The following RBFOX3 variants were observed in gnomAD, a reference collection of about 807,000 sequenced individuals.
RBFOX3 encodes RNA binding protein fox-1 homolog 3.
In RBFOX3, 17 loss-of-function variants were observed where a neutral mutation model predicts 48.7. The ratio of observed to expected loss-of-function variants is 0.35; its 90% confidence interval spans 0.24 to 0.52. The LOEUF is 0.52. Among genes scored for constraint, RBFOX3 ranks in the 20% least tolerant of loss-of-function variants. RBFOX3 has a pLI of 0.94. For synonymous variants in RBFOX3, 212 were observed against 209.5 expected (o/e 1.01, Z -0.10); for missense variants, 382 against 497.5 (o/e 0.77, Z 2.21).
At chr17:79,289,867 G>A (rs2072884438) in intron 3 of RBFOX3, among the ~76,000 whole-genome samples, 1 of 152,228 alleles carries the variant, frequency 6.6e-6, no homozygotes, top group African/African-American at 2.4e-5. Context: ...AACATTGATT[G>A]CTAAAAATAA....
chr17:79,095,627 G>A (rs1599386624), intron 12 of RBFOX3, 53 bp from the exon 13 acceptor site: 7 of 1,486,662 alleles, frequency 4.7e-6, no homozygotes, highest in East Asian at 2.5e-5. Context: ...GGGCTCCCCA[G>A]GGAAAGGCTG....
At chr17:79,639,064 T>C in the RBFOX3 span, among the ~76,000 whole-genome samples, 1 of 152,124 alleles carries the variant, frequency 6.6e-6, no homozygotes, top group Admixed American at 6.5e-5. Context: ...GGCTTCACAG[T>C]TGAATTATAT....
intron 4 of RBFOX3, among the ~76,000 whole-genome samples, chr17:79,206,896 A>C (rs905338961): frequency 1.3e-5 from 2 of 152,196 alleles, no homozygotes; most frequent in African/African-American, 4.8e-5. Flanking sequence ...ACTCAATAGT[A>C]CACCTGGAAT....
chr17:79,615,496 C>T (rs1366960919), upstream of RBFOX3, among the ~76,000 whole-genome samples: 1 of 152,070 alleles, frequency 6.6e-6, no homozygotes, highest in Non-Finnish European at 1.5e-5. Context: ...AGGGTGGTGG[C>T]ATGTCCAGCT....
intron 1 of RBFOX3, among the ~76,000 whole-genome samples, chr17:79,550,712 G>T (rs1219544842): frequency 6.6e-6 from 1 of 152,086 alleles, no homozygotes; most frequent in Non-Finnish European, 1.5e-5. Flanking sequence ...TGAGTGGATG[G>T]AAGGATGGAT....
At chr17:79,403,696 G>A (rs577143128) in intron 2 of RBFOX3, among the ~76,000 whole-genome samples, 103 of 151,904 alleles carry the variant, frequency 6.8e-4, no homozygotes, top group African/African-American at 1.1e-3. Context: ...CCCCTCACCC[G>A]CCCTCCAGGC....
chr17:79,662,850 G>A, the RBFOX3 span, among the ~76,000 whole-genome samples: 1 of 152,172 alleles, frequency 6.6e-6, no homozygotes, highest in African/African-American at 2.4e-5. Flanking sequence ...CCAGGTAACA[G>A]GCCTGAAGCT....
At chr17:79,497,142 C>A (rs2081652703) in intron 1 of RBFOX3, among the ~76,000 whole-genome samples, 3 of 152,144 alleles carry the variant, frequency 2.0e-5, no homozygotes, top group African/African-American at 7.2e-5. Context: ...AGGTGCACTG[C>A]CACTCCTCCC....
At chr17:79,323,348 G>C (rs1291220467) in intron 2 of RBFOX3, among the ~76,000 whole-genome samples, 3 of 152,220 alleles carry the variant, frequency 2.0e-5, no homozygotes, top group African/African-American at 7.2e-5. Flanking sequence ...TTTGTGCTGA[G>C]CCATTGCTGT....
At chr17:79,104,026 G>C (rs1386315809) in intron 7 of RBFOX3, 47 bp downstream of exon 7, 1 of 1,490,742 alleles carries the variant, frequency 6.7e-7, no homozygotes, top group Admixed American at 2.0e-5. Context: ...TAGCCTGGCG[G>C]GACCTACAGC....
intron 6 of RBFOX3, among the ~76,000 whole-genome samples, chr17:79,106,331 C>T (rs1056613643): frequency 6.6e-6 from 1 of 152,138 alleles, no homozygotes; most frequent in Non-Finnish European, 1.5e-5. Context: ...CTAGGAAACC[C>T]CTGAGCTCAG....
intron 1 of RBFOX3, among the ~76,000 whole-genome samples, chr17:79,497,712 A>C (rs908498881): frequency 4.6e-5 from 7 of 152,128 alleles, no homozygotes; most frequent in African/African-American, 1.7e-4. Context: ...TTACATACAC[A>C]AGGCTGGTGG....
chr17:79,260,842 G>A (rs1416826807), intron 3 of RBFOX3, among the ~76,000 whole-genome samples: 3 of 152,128 alleles, frequency 2.0e-5, no homozygotes, highest in Non-Finnish European at 4.4e-5. Flanking sequence ...CCAGCTCTGA[G>A]GCCCACCAGC....
chr17:79,608,040 G>A (rs1161255167), intron 1 of RBFOX3, among the ~76,000 whole-genome samples: 5 of 152,186 alleles, frequency 3.3e-5, no homozygotes, highest in East Asian at 3.9e-4. Flanking sequence ...CATGTCCTCA[G>A]CAGCCTGAGG....
At chr17:79,500,303 G>T (rs1880307008) in intron 1 of RBFOX3, among the ~76,000 whole-genome samples, 1 of 147,960 alleles carries the variant, frequency 6.8e-6, no homozygotes, top group East Asian at 2.0e-4. Flanking sequence ...TGTTGCCCAG[G>T]CTGGAGTGCA....
intron 4 of RBFOX3, among the ~76,000 whole-genome samples, chr17:79,230,871 C>A (rs1007398372): frequency 1.3e-5 from 2 of 152,018 alleles, no homozygotes; most frequent in Admixed American, 6.6e-5. Context: ...AGAGACAGAT[C>A]CGGTGTAAAG....
chr17:79,246,405 C>G (rs962487578), intron 3 of RBFOX3, among the ~76,000 whole-genome samples: 2 of 152,262 alleles, frequency 1.3e-5, no homozygotes, highest in African/African-American at 2.4e-5. Flanking sequence ...CCTCCTCTTG[C>G]TGGTGTCTGA....
At chr17:79,176,427 G>A (rs920083821) in intron 4 of RBFOX3, among the ~76,000 whole-genome samples, 25 of 152,208 alleles carry the variant, frequency 1.6e-4, no homozygotes, top group Admixed American at 2.6e-4. Flanking sequence ...CAGCTCAGCC[G>A]AGTAGTCCCA....
At chr17:79,274,256 C>T (rs147907144) in intron 3 of RBFOX3, among the ~76,000 whole-genome samples, 36 of 152,250 alleles carry the variant, frequency 2.4e-4, no homozygotes, top group Admixed American at 5.2e-4. Flanking sequence ...ATCAGGATGG[C>T]GGAGAGTTTC....
Sources: allele counts gnomAD v4.1 joint callset (sites outside exome capture counted in the v4.1 genomes callset), GRCh38; gene constraint gnomAD v4.1.1; transcripts MANE v1.5; gene names NCBI Gene and HGNC (gene_info 2026-07-23, HGNC 2026-07-21).